Variants in MDGA2 observed in about 807,000 individuals in gnomAD.
The protein encoded by MDGA2 is MAM domain containing glycosylphosphatidylinositol anchor 2.
In MDGA2, 40 loss-of-function variants were observed where a neutral mutation model predicts 117.8. The observed-to-expected ratio is 0.34, with a 90% CI of 0.26 to 0.44. The LOEUF (loss-of-function observed/expected upper bound fraction) is 0.44. MDGA2 is among the 20% of genes least tolerant of loss of function. The pLI is 1.00. For missense variants in MDGA2, 1,123 were observed against 1,250.6 expected (o/e 0.90, Z 1.54); for synonymous variants, 452 against 439.0 (o/e 1.03, Z -0.37).
Position 47,535,295 on chromosome 14 carries a change from A to C in MDGA2, c.280+139222T>G, listed in dbSNP as rs561638621. ...TAGGGCAAATTCATTGTTCTGGAAG[A>C]AGCCATTTTGTTTTCCTCTCTTGGG... On this transcript the variant is annotated intron_variant, in intron 1 of 16. Transcript: ENST00000399232. Among the ~76,000 whole-genome samples the C allele has an allele frequency of 2.8e-4, 43 of 152,340 alleles. No individual in the cohort carries two copies. In the South Asian group the frequency reaches 4.6e-3, roughly 16 times the overall value.
At chr14:47,052,211 T>C (rs763415276) in intron 7 of MDGA2, among the ~76,000 whole-genome samples, 4 of 150,966 alleles carry the variant, frequency 2.6e-5, no homozygotes, top group Non-Finnish European at 5.9e-5. Flanking sequence ...TATGTTCCCA[T>C]TGCTTGCATT....
intron 12 of MDGA2, among the ~76,000 whole-genome samples, 194 bp downstream of exon 12, chr14:46,877,295 G>A (rs1325017092): frequency 6.6e-6 from 1 of 151,468 alleles, no homozygotes; most frequent in African/African-American, 2.4e-5. Context: ...TCAATTATCA[G>A]TATTAAAAAA....
chr14:46,990,902 C>A (rs1887070564), intron 8 of MDGA2, among the ~76,000 whole-genome samples: 1 of 110,310 alleles, frequency 9.1e-6, no homozygotes, highest in South Asian at 2.8e-4. Context: ...ACACACACAC[C>A]CCGCGTAAGA....
chr14:47,451,700 G>A (rs748559471), intron 1 of MDGA2, among the ~76,000 whole-genome samples: 1 of 152,062 alleles, frequency 6.6e-6, no homozygotes, highest in African/African-American at 2.4e-5. Flanking sequence ...AATACATTAG[G>A]CAGCTAGCTG....
chr14:46,934,786 G>T, intron 9 of MDGA2, among the ~76,000 whole-genome samples: 1 of 152,006 alleles, frequency 6.6e-6, no homozygotes. Flanking sequence ...ACCTACTTTT[G>T]CTTAATTTTA....
At chr14:47,410,080 C>T (rs1314728913) in intron 1 of MDGA2, among the ~76,000 whole-genome samples, 2 of 152,130 alleles carry the variant, frequency 1.3e-5, no homozygotes, top group African/African-American at 4.8e-5. Flanking sequence ...AGCCAACTAC[C>T]ATTTGTTGTC....
At chr14:47,162,834 A>AT (rs34553956) in intron 3 of MDGA2, among the ~76,000 whole-genome samples, 12,561 of 151,956 alleles carry the variant, frequency 0.083, 641 homozygotes, top group Admixed American at 0.15. Context: ...CCCATTTCCA[A>AT]TTTTTTTACT....
chr14:47,324,486 A>T (rs1364705697), intron 1 of MDGA2, among the ~76,000 whole-genome samples: 1 of 152,124 alleles, frequency 6.6e-6, no homozygotes, highest in Non-Finnish European at 1.5e-5. Context: ...GTAAAATTTC[A>T]TCCAGACTCT....
intron 1 of MDGA2, among the ~76,000 whole-genome samples, chr14:47,355,195 A>G (rs187186590): frequency 1.2e-4 from 18 of 152,252 alleles, no homozygotes; most frequent in African/African-American, 4.3e-4. Flanking sequence ...TAATGATCGC[A>G]TATCAGTATA....
In MDGA2 at chr14:47,203,946, A is replaced by G. The variant is rs537153739; in HGVS notation, c.595+14075T>C. Among the ~76,000 whole-genome samples, 142 of 152,142 alleles carry G rather than the reference A, an allele frequency of 9.3e-4. 6 individuals carry two copies. The highest frequency in any genetic ancestry group is 6.8e-3 in the Middle Eastern group (2 of 292). ...TGTCTTTGGGGTCTTTAGGCAAGGT[A>G]AAAGAGGTGGTGAGATCTGACAGGT... On this transcript the variant is annotated intron_variant, in intron 3 of 16. Transcript: ENST00000399232.
At chr14:47,470,391 T>C (rs1028551283) in intron 1 of MDGA2, among the ~76,000 whole-genome samples, 2 of 152,078 alleles carry the variant, frequency 1.3e-5, no homozygotes, top group African/African-American at 4.8e-5. Context: ...TTGTGACAGT[T>C]TGCTGAGAAT....
At chr14:46,929,646 T>C (rs1465974994) in intron 9 of MDGA2, among the ~76,000 whole-genome samples, 15 of 34,252 alleles carry the variant, frequency 4.4e-4, no homozygotes, top group Admixed American at 9.9e-4. Context: ...TATATATATA[T>C]ACATTTTTTT....
At chr14:47,350,586 T>C (rs1045133261) in intron 1 of MDGA2, among the ~76,000 whole-genome samples, 42 of 152,002 alleles carry the variant, frequency 2.8e-4, no homozygotes, top group African/African-American at 5.3e-4. Flanking sequence ...TGTGTGTGTG[T>C]GCGCGCACAC....
chr14:47,433,718 T>C (rs1055923727), intron 1 of MDGA2, among the ~76,000 whole-genome samples: 9 of 152,262 alleles, frequency 5.9e-5, no homozygotes, highest in African/African-American at 2.2e-4. Flanking sequence ...TAGACTTCAA[T>C]TTGGGATAAG....
At chr14:47,232,140 G>T (rs917212747) in intron 2 of MDGA2, among the ~76,000 whole-genome samples, 2 of 152,062 alleles carry the variant, frequency 1.3e-5, no homozygotes, top group Admixed American at 1.3e-4. Flanking sequence ...TGCAGACAGA[G>T]TTTGGGTTAT....
At chr14:47,335,930 T>C (rs1028296764) in intron 1 of MDGA2, among the ~76,000 whole-genome samples, 10 of 151,154 alleles carry the variant, frequency 6.6e-5, no homozygotes, top group African/African-American at 2.2e-4. Flanking sequence ...TGGGTTCTAG[T>C]GAAGACAGAA....
At chr14:47,148,317 T>C (rs764015703) in intron 3 of MDGA2, among the ~76,000 whole-genome samples, 4 of 152,192 alleles carry the variant, frequency 2.6e-5, no homozygotes, top group Non-Finnish European at 5.9e-5. Context: ...GATGTGATGA[T>C]AGTGAGGTCA....
intron 1 of MDGA2, among the ~76,000 whole-genome samples, chr14:47,550,130 T>A: frequency 1.3e-5 from 2 of 152,294 alleles, no homozygotes; most frequent in African/African-American, 4.8e-5. Context: ...AAAGAACTCA[T>A]AACTAAATCA....
intron 10 of MDGA2, among the ~76,000 whole-genome samples, chr14:46,910,640 G>A (rs1883662619): frequency 6.6e-6 from 1 of 152,012 alleles, no homozygotes; most frequent in African/African-American, 2.4e-5. Context: ...AGAGCAATCA[G>A]GCAAGAAAAA....
Sources: allele counts gnomAD v4.1 joint callset (sites outside exome capture counted in the v4.1 genomes callset), GRCh38; gene constraint gnomAD v4.1.1; transcripts MANE v1.5; gene names NCBI Gene and HGNC (gene_info 2026-07-23, HGNC 2026-07-21).